The following ERC1 variants were observed in gnomAD, a reference collection of about 807,000 sequenced individuals.
ERC1 encodes the protein ELKS/RAB6-interacting/CAST family member 1.
ERC1 carries 56 observed loss-of-function variants against 132.0 expected under a neutral mutation model. That is an observed-to-expected ratio of 0.42 (90% CI 0.34 to 0.53). The LOEUF (loss-of-function observed/expected upper bound fraction) is 0.53. ERC1 is among the 20% of genes least tolerant of loss of function. The probability of loss-of-function intolerance (pLI) is 0.03; values close to 1 mark genes in which losing one functional copy is unlikely to be tolerated. For missense variants in ERC1, 1,202 were observed against 1,349.9 expected (o/e 0.89, Z 1.72); for synonymous variants, 478 against 476.1 (o/e 1.00, Z -0.05).
chr12:1,484,696 G>C lies in ERC1; in HGVS notation c.3214-5397G>C, dbSNP rs183248077. Among the ~76,000 whole-genome samples, 739 of 151,248 alleles carry C rather than the reference G, an allele frequency of 4.9e-3. 7 individuals are homozygous for C. The highest frequency in any genetic ancestry group is 0.017 in the African/African-American group (711 of 41,116). ...GGGCTCAAGCAATTCTCCTGCCTCA[G>C]CCTCCTGAGTAGCTGGGACTACAGG... On this transcript the variant is annotated intron_variant, in intron 18 of 18. Coordinates refer to ENST00000360905, the MANE Select transcript of ERC1 (RefSeq NM_178040.4).
At chr12:1,141,832 T>A in intron 8 of ERC1, 45 bp downstream of exon 8, 1 of 1,381,812 alleles carries the variant, frequency 7.2e-7, no homozygotes, top group Non-Finnish European at 9.7e-7. Context: ...TCCTCATACA[T>A]CTTCACTCCT....
In ERC1 at chr12:1,141,730, T is replaced by C. The variant is rs1949880388; in HGVS notation, c.1680T>C (p.His560=). Residue 560 remains histidine, a synonymous_variant, in exon 8 of 19, where the codon CAT becomes CAC. Coordinates refer to ENST00000360905, the MANE Select transcript of ERC1 (RefSeq NM_178040.4). ...EEKGTQAGEI[H]DLKDMLDVKE... is the part of the protein sequence containing the mutation. ...AGGGGACACAAGCTGGAGAGATACA[T>C]GACCTCAAGGACATGTTGGATGTGA... The C allele has an allele frequency of 6.2e-7, 1 of 1,613,284 alleles. No homozygotes were observed.
At chr12:1,330,284 A>G (rs2082766847) in intron 15 of ERC1, among the ~76,000 whole-genome samples, 1 of 152,096 alleles carries the variant, frequency 6.6e-6, no homozygotes, top group Admixed American at 6.5e-5. Context: ...AGCTTTCTTC[A>G]CTCAAAACTT....
chr12:1,440,422 G>A (rs376905417), intron 17 of ERC1, among the ~76,000 whole-genome samples: 32 of 150,130 alleles, frequency 2.1e-4, no homozygotes, highest in South Asian at 1.9e-3. Context: ...TAGCCAGGAT[G>A]GTCTCGATCT....
intron 1 of ERC1, among the ~76,000 whole-genome samples, chr12:1,017,767 A>G (rs896534500): frequency 1.3e-5 from 2 of 152,000 alleles, no homozygotes; most frequent in Admixed American, 1.3e-4. Context: ...CCAAAGTGCT[A>G]GGATTACAGG....
chr12:1,198,699 C>A (rs1344923550), intron 12 of ERC1, among the ~76,000 whole-genome samples: 1 of 152,160 alleles, frequency 6.6e-6, no homozygotes, highest in Non-Finnish European at 1.5e-5. Flanking sequence ...GCTTCTGCTT[C>A]TGGAGTAGCC....
At chr12:1,163,253 A>C (rs953011173) in intron 8 of ERC1, among the ~76,000 whole-genome samples, 1 of 152,162 alleles carries the variant, frequency 6.6e-6, no homozygotes, top group Non-Finnish European at 1.5e-5. Context: ...TCTCTTAGAA[A>C]GGGAGGTTAT....
chr12:1,174,399 G>A (rs780454679), intron 8 of ERC1, among the ~76,000 whole-genome samples: 3 of 152,104 alleles, frequency 2.0e-5, no homozygotes, highest in African/African-American at 7.2e-5. Context: ...TTTTCACTCC[G>A]ACTCAACAGT....
At chr12:1,416,905 C>G (rs1360770752) in intron 17 of ERC1, among the ~76,000 whole-genome samples, 1 of 152,206 alleles carries the variant, frequency 6.6e-6, no homozygotes, top group African/African-American at 2.4e-5. Flanking sequence ...AAGGCACAAG[C>G]TGACCACTTA....
At chr12:1,174,543 C>A (rs16928250) in intron 8 of ERC1, among the ~76,000 whole-genome samples, 4,421 of 152,210 alleles carry the variant, frequency 0.029, 221 homozygotes, top group African/African-American at 0.1. Flanking sequence ...ATAATGGATT[C>A]CTTTAATAGT....
chr12:1,489,736 C>T (rs2094297967), intron 18 of ERC1, among the ~76,000 whole-genome samples: 1 of 152,192 alleles, frequency 6.6e-6, no homozygotes, highest in Admixed American at 6.5e-5. Flanking sequence ...GCGAGGGTCG[C>T]TCCACAAGGT....
intron 16 of ERC1, 34 bp from the exon 17 acceptor site, chr12:1,408,115 C>G (rs758646752): frequency 6.6e-7 from 1 of 1,515,920 alleles, no homozygotes; most frequent in Non-Finnish European, 9.2e-7. Flanking sequence ...AGAAACTTTA[C>G]TTAAATTTAA....
At chr12:1,342,987 A>G (rs1037981507) in intron 15 of ERC1, among the ~76,000 whole-genome samples, 1 of 152,222 alleles carries the variant, frequency 6.6e-6, no homozygotes, top group Non-Finnish European at 1.5e-5. Flanking sequence ...ACCAGTATCT[A>G]TGTTATCTGC....
chr12:1,390,761 A>G (rs2089891728), intron 16 of ERC1: 1 of 152,230 alleles, frequency 6.6e-6, no homozygotes, highest in Non-Finnish European at 1.5e-5. Context: ...TGGGACTGGA[A>G]TAGGTTGCCC....
intron 2 of ERC1, among the ~76,000 whole-genome samples, chr12:1,079,015 A>G (rs1339434547): frequency 1.3e-5 from 2 of 152,066 alleles, no homozygotes; most frequent in Non-Finnish European, 2.9e-5. Flanking sequence ...ACAAGTCGAT[A>G]TACAGAGATA....
At chr12:1,262,943 AT>A in intron 13 of ERC1, 90 bp from the exon 14 acceptor site, 1 of 1,324,086 alleles carries the variant, frequency 7.6e-7, no homozygotes, top group Admixed American at 2.1e-5. Context: ...TGGAAAGAAC[AT>A]TTAATAAGCA....
chr12:1,428,176 A>G (rs10491957), intron 17 of ERC1, among the ~76,000 whole-genome samples: 9,068 of 152,252 alleles, frequency 0.06, 392 homozygotes, highest in African/African-American at 0.11. Flanking sequence ...TGATTTAGAC[A>G]TTCTTCCTGG....
chr12:1,020,623 C>T (rs1027669431), intron 1 of ERC1: 2 of 152,184 alleles, frequency 1.3e-5, no homozygotes, highest in African/African-American at 2.4e-5. Flanking sequence ...AGCTATCTCA[C>T]GTGGCTGTTG....
chr12:1,138,973 C>T (rs569173471), intron 7 of ERC1, among the ~76,000 whole-genome samples: 7 of 152,062 alleles, frequency 4.6e-5, no homozygotes, highest in Non-Finnish European at 1.0e-4. Flanking sequence ...CCCACATTGC[C>T]GTGAGAGAGT....
Sources: gnomAD v4.1 joint callset for allele counts (sites outside exome capture counted in the v4.1 genomes callset) on GRCh38, gnomAD v4.1.1 for gene constraint, MANE v1.5 for transcripts, NCBI Gene and HGNC (gene_info 2026-07-23, HGNC 2026-07-21) for gene names.